The following FBXL17 variants were observed in gnomAD, a reference collection of about 807,000 sequenced individuals.
FBXL17 encodes F-box/LRR-repeat protein 17.
Under a neutral mutation model 66.2 loss-of-function variants are expected in FBXL17, and 22 were observed. That is an observed-to-expected ratio of 0.33 (90% CI 0.24 to 0.47). The LOEUF (loss-of-function observed/expected upper bound fraction) is 0.47, where lower values mean the gene tolerates loss of function less well. Among genes scored for constraint, FBXL17 ranks in the 20% least tolerant of loss-of-function variants. The pLI, the probability that FBXL17 is intolerant of heterozygous loss-of-function variation, is 1.00. For synonymous variants in FBXL17, 474 were observed against 400.5 expected (o/e 1.18, Z -2.19); for missense variants, 878 against 948.2 (o/e 0.93, Z 0.97).
intron 6 of FBXL17, among the ~76,000 whole-genome samples, chr5:108,155,663 G>A (rs1751967063): frequency 6.6e-6 from 1 of 152,128 alleles, no homozygotes; most frequent in African/African-American, 2.4e-5. Flanking sequence ...GATTTCTGAT[G>A]AACTTACAAG....
chr5:108,303,159 T>C (rs970442557), intron 4 of FBXL17, among the ~76,000 whole-genome samples: 2 of 151,874 alleles, frequency 1.3e-5, no homozygotes, highest in Admixed American at 1.3e-4. Flanking sequence ...TTTCAAAATA[T>C]AGTGCCTCTA....
intron 7 of FBXL17, among the ~76,000 whole-genome samples, chr5:107,931,675 C>G (rs940848627): frequency 6.6e-6 from 1 of 151,988 alleles, no homozygotes; most frequent in Non-Finnish European, 1.5e-5. Flanking sequence ...AACAGAGTCT[C>G]TAGAATATGT....
chr5:108,182,336 A>C (rs529439180), intron 6 of FBXL17, among the ~76,000 whole-genome samples: 11 of 152,340 alleles, frequency 7.2e-5, no homozygotes, highest in South Asian at 4.1e-4. Context: ...AAGTGCTGAA[A>C]TTATAATTAA....
intron 4 of FBXL17, among the ~76,000 whole-genome samples, chr5:108,247,119 G>C (rs757560631): frequency 1.3e-4 from 20 of 152,080 alleles, no homozygotes; most frequent in Non-Finnish European, 2.6e-4. Context: ...AGTGATGGTG[G>C]GATAATGTGC....
At chr5:108,275,526 T>C (rs73781312) in intron 4 of FBXL17, among the ~76,000 whole-genome samples, 9,940 of 152,202 alleles carry the variant, frequency 0.065, 1,096 homozygotes, top group African/African-American at 0.23. Context: ...AGGTCAAATG[T>C]TTTACTATCT....
intron 6 of FBXL17, among the ~76,000 whole-genome samples, chr5:108,024,668 T>G (rs1416469089): frequency 6.6e-6 from 1 of 152,172 alleles, no homozygotes; most frequent in African/African-American, 2.4e-5. Flanking sequence ...TAAACTCTTT[T>G]GGAATACAGA....
At chr5:107,898,500 A>G (rs1189217230) in intron 7 of FBXL17, among the ~76,000 whole-genome samples, 4 of 152,120 alleles carry the variant, frequency 2.6e-5, no homozygotes, top group African/African-American at 4.8e-5. Flanking sequence ...TTTGTTATTA[A>G]CATTTTTTAT....
intron 7 of FBXL17, among the ~76,000 whole-genome samples, chr5:107,901,532 A>G (rs1749567168): frequency 6.6e-6 from 1 of 152,198 alleles, no homozygotes; most frequent in African/African-American, 2.4e-5. Context: ...TAACGGGCCC[A>G]TGTAGGTAAA....
intron 7 of FBXL17, among the ~76,000 whole-genome samples, chr5:107,918,828 T>C (rs776313431): frequency 2.6e-5 from 4 of 152,214 alleles, no homozygotes; most frequent in Admixed American, 1.3e-4. Flanking sequence ...CTTGCTGCTT[T>C]GCTGAGTAAC....
intron 6 of FBXL17, among the ~76,000 whole-genome samples, chr5:108,135,948 T>C (rs1319210760): frequency 6.6e-6 from 1 of 152,056 alleles, no homozygotes; most frequent in African/African-American, 2.4e-5. Flanking sequence ...TCCAACATAG[T>C]TTTTTATGGG....
intron 6 of FBXL17, among the ~76,000 whole-genome samples, chr5:108,091,326 C>T (rs987130048): frequency 3.9e-5 from 6 of 152,198 alleles, no homozygotes; most frequent in African/African-American, 7.2e-5. Context: ...TACTTAAAAA[C>T]GGCCTCATTT....
intron 7 of FBXL17, among the ~76,000 whole-genome samples, chr5:107,902,309 G>T (rs980212541): frequency 1.8e-4 from 28 of 152,082 alleles, no homozygotes; most frequent in African/African-American, 6.5e-4. Flanking sequence ...AGGTTTATAT[G>T]GGAGGAAAGG....
rs1275897996 is a variant in FBXL17 at position 107,913,849 on chromosome 5, T to G, written c.1823-32670A>C. On this transcript the variant is annotated intron_variant, in intron 7 of 8. Coordinates refer to ENST00000542267, the MANE Select transcript of FBXL17 (RefSeq NM_001163315.3). ...CAAATTAGGGCCAAACCAGGGCAAT[T>G]TTAGAGCTGTGAAAAACAGTACAAG... 5.3e-5 allele frequency among the ~76,000 whole-genome samples: 8 copies of G among 152,056 alleles called. No individual in the cohort carries two copies. The East Asian group carries it at 1.5e-3, about 29-fold the overall frequency.
At chr5:108,173,045 C>T (rs767915344) in intron 6 of FBXL17, among the ~76,000 whole-genome samples, 4 of 151,936 alleles carry the variant, frequency 2.6e-5, no homozygotes, top group Non-Finnish European at 4.4e-5. Context: ...AAGTGATCTA[C>T]CTGCCTCGGC....
chr5:107,913,676 T>TA (rs1180440310), intron 7 of FBXL17, among the ~76,000 whole-genome samples: 1 of 152,142 alleles, frequency 6.6e-6, no homozygotes. Context: ...GAGCACACTC[T>TA]AACGCTTAGA....
intron 5 of FBXL17, among the ~76,000 whole-genome samples, chr5:108,217,967 C>CTGAA (rs1754679746): frequency 6.6e-6 from 1 of 150,796 alleles, no homozygotes; most frequent in South Asian, 2.1e-4. Flanking sequence ...CTTTTTAAGG[C>CTGAA]TGAATAGTAT....
chr5:108,169,214 G>T (rs1014105000), intron 6 of FBXL17, among the ~76,000 whole-genome samples: 1 of 152,082 alleles, frequency 6.6e-6, no homozygotes, highest in Non-Finnish European at 1.5e-5. Flanking sequence ...TCTCTGTACT[G>T]GGAATAAACT....
chr5:108,339,848 G>A (rs996932880), intron 4 of FBXL17, among the ~76,000 whole-genome samples: 2 of 152,050 alleles, frequency 1.3e-5, no homozygotes, highest in Non-Finnish European at 2.9e-5. Flanking sequence ...CTGAGATCCC[G>A]TTTGCATTTG....
At chr5:107,910,774 TA>T (rs1378608716) in intron 7 of FBXL17, among the ~76,000 whole-genome samples, 1 of 152,004 alleles carries the variant, frequency 6.6e-6, no homozygotes, top group African/African-American at 2.4e-5. Context: ...CAGTTAGAAT[TA>T]GAGAAAAGAT....
Sources: gnomAD v4.1 joint callset for allele counts (sites outside exome capture counted in the v4.1 genomes callset) on GRCh38, gnomAD v4.1.1 for gene constraint, MANE v1.5 for transcripts, NCBI Gene and HGNC (gene_info 2026-07-23, HGNC 2026-07-21) for gene names.